Variants in PLXNA2 observed in about 807,000 individuals in gnomAD.
The protein encoded by PLXNA2 is plexin A2.
A neutral mutation model predicts 193.5 loss-of-function variants in PLXNA2; 91 were observed. The ratio of observed to expected loss-of-function variants is 0.47; its 90% CI spans 0.40 to 0.56. The LOEUF (loss-of-function observed/expected upper bound fraction) is 0.56. Ranked by LOEUF, PLXNA2 falls within the 20% of genes least tolerant of loss-of-function variation. The probability of loss-of-function intolerance (pLI) is 0.00; values close to 1 mark genes in which losing one functional copy is unlikely to be tolerated. For synonymous variants in PLXNA2, 997 were observed against 1,027.3 expected (o/e 0.97, Z 0.56); for missense variants, 1,995 against 2,503.2 (o/e 0.80, Z 4.33).
At chr1:208,192,862 G>A (rs1288224746) in intron 3 of PLXNA2, among the ~76,000 whole-genome samples, 1 of 149,604 alleles carries the variant, frequency 6.7e-6, no homozygotes, top group Non-Finnish European at 1.5e-5. Flanking sequence ...ATTCCAGCCT[G>A]GGCAACAAGA....
Position 208,210,475 on chromosome 1 carries a change from G to A in PLXNA2, c.1189-13C>T, listed in dbSNP as rs3748734. 228 of 1,603,636 alleles carry A rather than the reference G, an allele frequency of 1.4e-4. 2 individuals carry two copies. In the East Asian group the frequency reaches 3.8e-3, roughly 26 times the overall value. ...CGATGGGGACAGGCTGGAGGGAAGC[G>A]GAAGGAATTGGGGTGAGTAACAGTG... On this transcript the variant is annotated splice_polypyrimidine_tract_variant and intron_variant, in intron 2 of 31. Coordinates refer to ENST00000367033, the MANE Select transcript of PLXNA2 (RefSeq NM_025179.4).
rs765006161 is a variant in PLXNA2 at position 208,082,448 on chromosome 1, C to A, written c.2359G>T (p.Gly787Cys). ...LAVDFAVVWN[G>C]NFIIDNPQDL... Reference sequence around the variant, plus strand: ...TGAGGGTTGTCAATGATGAAATTGCCGTTCCACACCACAGCGAAATCCACG... The same window carrying A: ...TGAGGGTTGTCAATGATGAAATTGCAGTTCCACACCACAGCGAAATCCACG... The change falls in exon 11 of 32, where the codon GGC (glycine) becomes TGC (cysteine). Residue 787 changes from glycine (G) to cysteine (C), a missense_variant. Transcript: ENST00000367033. This position sits in a 1 kb window ranked among gnomAD's most constrained non-coding sequence, Gnocchi z 4.2. The A allele has an allele frequency of 3.1e-6, 5 of 1,614,092 alleles. No homozygotes were observed. Among genetic ancestry groups the A allele is most frequent in the Non-Finnish European group, 3.4e-6 (4 of 1,179,996 alleles).
chr1:208,232,364 C>T (rs1007928080), intron 1 of PLXNA2, among the ~76,000 whole-genome samples: 1 of 152,222 alleles, frequency 6.6e-6, no homozygotes, highest in African/African-American at 2.4e-5. Context: ...TCTGCCTTGA[C>T]TCCTCTCCTT....
At chr1:208,037,735 T>C (rs1664717178) in intron 26 of PLXNA2, among the ~76,000 whole-genome samples, 2 of 31,630 alleles carry the variant, frequency 6.3e-5, no homozygotes, top group African/African-American at 2.3e-4. Flanking sequence ...GGATTTTTCT[T>C]TTTTTTTTTT....
chr1:208,173,455 A>G (rs945904985), intron 3 of PLXNA2, among the ~76,000 whole-genome samples: 3 of 152,196 alleles, frequency 2.0e-5, no homozygotes, highest in Admixed American at 2.0e-4. Flanking sequence ...TGTGCATCCC[A>G]TGTTATTATG....
chr1:208,126,022 A>G (rs1571945102), intron 4 of PLXNA2, among the ~76,000 whole-genome samples: 1 of 152,222 alleles, frequency 6.6e-6, no homozygotes. Context: ...TGCAAGTTCA[A>G]AACACCTGCA....
intron 11 of PLXNA2, among the ~76,000 whole-genome samples, chr1:208,081,226 G>A (rs990649917): frequency 6.6e-6 from 1 of 152,090 alleles, no homozygotes; most frequent in Admixed American, 6.5e-5. Flanking sequence ...AGGAGAAATA[G>A]AAAAAAATAA....
At chr1:208,040,130 T>C (rs1571850948) in intron 22 of PLXNA2, 72 bp from the exon 23 acceptor site, 20 of 1,248,052 alleles carry the variant, frequency 1.6e-5, no homozygotes, top group South Asian at 9.7e-5. Flanking sequence ...GGGCTTGCCA[T>C]GAGGTCTCCC....
chr1:208,061,687 A>T (rs1337070380), intron 12 of PLXNA2, among the ~76,000 whole-genome samples: 1 of 152,232 alleles, frequency 6.6e-6, no homozygotes, highest in Non-Finnish European at 1.5e-5. Context: ...CAAACACTGG[A>T]AACAGAATAG....
chr1:208,225,227 A>G (rs1352390382), intron 1 of PLXNA2, among the ~76,000 whole-genome samples: 1 of 152,180 alleles, frequency 6.6e-6, no homozygotes, highest in Non-Finnish European at 1.5e-5. Context: ...GTCCCCTGGA[A>G]ATTCCTGTGT....
At chr1:208,108,589 C>T (rs997033949) in intron 4 of PLXNA2, among the ~76,000 whole-genome samples, 3 of 152,174 alleles carry the variant, frequency 2.0e-5, no homozygotes, top group Non-Finnish European at 4.4e-5. Context: ...TCTGGAGAAA[C>T]GCCTGAGGTG....
In PLXNA2 at chr1:208,099,119, T is replaced by G. The variant is rs74152192; in HGVS notation, c.1608-150A>C. 4,943 of 925,748 alleles carry G rather than the reference T, an allele frequency of 5.3e-3. 133 individuals carry two copies. In the African/African-American group the frequency reaches 0.066, roughly 12 times the overall value. The allele number at this position is 925,748 out of a possible 1,614,324, so 57.3% of individuals were successfully genotyped here. ...TTTACTGTACTCCGGAGGGCCTTGG[T>G]GACTCTCAGACAGTCTCCGTCGCAG... is the stretch of plus-strand genomic sequence containing the variant. On this transcript the variant is annotated intron_variant, in intron 5 of 31. Coordinates refer to ENST00000367033, the MANE Select transcript of PLXNA2 (RefSeq NM_025179.4).
intron 1 of PLXNA2, among the ~76,000 whole-genome samples, chr1:208,219,475 GC>G (rs1356212709): frequency 6.6e-6 from 1 of 152,230 alleles, no homozygotes; most frequent in Non-Finnish European, 1.5e-5. Context: ...ACCTTCTCAG[GC>G]AAGTCCAGAC....
intron 4 of PLXNA2, among the ~76,000 whole-genome samples, chr1:208,138,299 G>A (rs544275936): frequency 2.0e-5 from 3 of 152,290 alleles, no homozygotes; most frequent in Admixed American, 1.3e-4. Context: ...TAATTATAAA[G>A]TTGGCTTCGT....
intron 12 of PLXNA2, among the ~76,000 whole-genome samples, chr1:208,066,909 A>G (rs1009392860): frequency 6.6e-6 from 1 of 152,226 alleles, no homozygotes; most frequent in South Asian, 2.1e-4. Context: ...AAAAAAGTGA[A>G]TTTCAAAAAT....
intron 3 of PLXNA2, among the ~76,000 whole-genome samples, chr1:208,153,565 G>A (rs1416801858): frequency 6.6e-6 from 1 of 152,196 alleles, no homozygotes; most frequent in Non-Finnish European, 1.5e-5. Context: ...GCTGGTGAGA[G>A]CTCTTAGGAG....
At chr1:208,121,807 A>G (rs1314183648) in intron 4 of PLXNA2, among the ~76,000 whole-genome samples, 1 of 152,050 alleles carries the variant, frequency 6.6e-6, no homozygotes, top group Admixed American at 6.6e-5. Context: ...CCATACCCAT[A>G]CTCGTGTACA....
At chr1:208,066,970 A>G (rs1211883194) in intron 12 of PLXNA2, among the ~76,000 whole-genome samples, 1 of 152,256 alleles carries the variant, frequency 6.6e-6, no homozygotes, top group Non-Finnish European at 1.5e-5. Context: ...ATTTTTGTAC[A>G]GCTGTACAAT....
Position 208,168,723 on chromosome 1 carries a change from G to GTTTTTT in PLXNA2, c.1372-26261_1372-26260insAAAAAA, listed in dbSNP as rs751893998. On this transcript the variant is annotated intron_variant, in intron 3 of 31. Transcript: ENST00000367033. ...CAAAAAGAAGACAAAGAGTATGCGG[G>GTTTTTT]GTTTTTTTTTTTTTTTTTTTTTTTT... Among the ~76,000 whole-genome samples the GTTTTTT allele has an allele frequency of 4.6e-3, 475 of 102,202 alleles. 85 individuals carry two copies. Among genetic ancestry groups the GTTTTTT allele is most frequent in the Middle Eastern group, 0.014 (2 of 138 alleles). 67.0% of individuals were successfully genotyped at this position (102,202 alleles called of 152,430 possible).
Sources: allele counts gnomAD v4.1 joint callset (sites outside exome capture counted in the v4.1 genomes callset), GRCh38; gene constraint gnomAD v4.1.1; non-coding constraint Gnocchi (gnomAD v3.1); transcripts MANE v1.5; gene names NCBI Gene and HGNC (gene_info 2026-07-23, HGNC 2026-07-21).